Variants in ADAMTS16 observed in about 807,000 individuals in gnomAD.
ADAMTS16 encodes A disintegrin and metalloproteinase with thrombospondin motifs 16.
Under a neutral mutation model 145.8 loss-of-function variants are expected in ADAMTS16, and 94 were observed. The ratio of observed to expected loss-of-function variants is 0.64; its 90% CI spans 0.55 to 0.77. The LOEUF is 0.77. Among genes scored for constraint, ADAMTS16 ranks in the 30% least tolerant of loss-of-function variants. ADAMTS16 has a pLI of 0.00. For missense variants in ADAMTS16, 1,585 were observed against 1,591.5 expected, an observed-to-expected ratio of 1.00 and a Z score of 0.07; for synonymous variants, 659 against 604.3, an observed-to-expected ratio of 1.09 and a Z score of -1.33.
intron 3 of ADAMTS16, among the ~76,000 whole-genome samples, chr5:5,169,064 C>T (rs193093560): frequency 1.3e-4 from 20 of 152,124 alleles, no homozygotes; most frequent in Admixed American, 1.3e-3. Context: ...TGATTTCTCA[C>T]TTCCTGGCTT....
intron 3 of ADAMTS16, among the ~76,000 whole-genome samples, chr5:5,164,409 T>G (rs1160002253): frequency 6.6e-6 from 1 of 152,264 alleles, no homozygotes; most frequent in Non-Finnish European, 1.5e-5. Context: ...TTCCTGGCAC[T>G]GGCTGCAGTC....
intron 10 of ADAMTS16, among the ~76,000 whole-genome samples, chr5:5,221,333 G>C (rs547441533): frequency 1.3e-5 from 2 of 152,182 alleles, no homozygotes; most frequent in Middle Eastern, 3.4e-3. Context: ...ATTAAAGCCT[G>C]TCTGAAAGAG....
chr5:5,307,539 T>C (rs543926987), intron 21 of ADAMTS16, among the ~76,000 whole-genome samples: 1 of 152,262 alleles, frequency 6.6e-6, no homozygotes, highest in African/African-American at 2.4e-5. Context: ...AGCCCCTACA[T>C]GTGCTCTCTC....
chr5:5,305,149 CCACACA>C (rs201600213), intron 20 of ADAMTS16, among the ~76,000 whole-genome samples: 39 of 63,428 alleles, frequency 6.1e-4, no homozygotes, highest in East Asian at 1.9e-3. Flanking sequence ...ACATCCCACA[CCACACA>C]CACACACATA....
chr5:5,286,178 C>G (rs1307063452), intron 18 of ADAMTS16, among the ~76,000 whole-genome samples: 2 of 152,174 alleles, frequency 1.3e-5, no homozygotes, highest in African/African-American at 4.8e-5. Flanking sequence ...ACCCCCAACT[C>G]ATTGTAACAA....
At chr5:5,289,864 C>T (rs1440458378) in intron 18 of ADAMTS16, among the ~76,000 whole-genome samples, 1 of 152,146 alleles carries the variant, frequency 6.6e-6, no homozygotes, top group Non-Finnish European at 1.5e-5. Flanking sequence ...AACTTTTGGG[C>T]TAGATGAAAG....
chr5:5,205,548 T>C (rs931701243), intron 9 of ADAMTS16, among the ~76,000 whole-genome samples: 2 of 152,262 alleles, frequency 1.3e-5, no homozygotes, highest in African/African-American at 2.4e-5. Context: ...CCATTTTGCA[T>C]TCTCACTGGA....
intron 21 of ADAMTS16, among the ~76,000 whole-genome samples, chr5:5,307,952 A>G (rs1192551029): frequency 6.6e-6 from 1 of 152,228 alleles, no homozygotes; most frequent in Non-Finnish European, 1.5e-5. Flanking sequence ...GCAGCAGAAC[A>G]AAGACCCGGT....
chr5:5,192,579 A>C lies in ADAMTS16; in HGVS notation c.1313+789A>C, dbSNP rs563311623. Among the ~76,000 whole-genome samples the C allele has an allele frequency of 7.2e-5, 11 of 151,898 alleles. No individual in the cohort carries two copies. In the South Asian group the frequency reaches 2.1e-3, roughly 29 times the overall value. On this transcript the variant is annotated intron_variant, in intron 8 of 22. Coordinates refer to ENST00000274181, the MANE Select transcript of ADAMTS16 (RefSeq NM_139056.4). Reference sequence around the variant, plus strand: ...GGAACTGATTTGCCTCCCTTATTCCACCTCTGACTGCACCATTAATGGCTT... The same window carrying C: ...GGAACTGATTTGCCTCCCTTATTCCCCCTCTGACTGCACCATTAATGGCTT...
At chr5:5,198,574 C>A (rs1453813138) in intron 8 of ADAMTS16, among the ~76,000 whole-genome samples, 1 of 152,136 alleles carries the variant, frequency 6.6e-6, no homozygotes, top group African/African-American at 2.4e-5. Context: ...AGTCCTCGGT[C>A]TTGCTGTCTT....
chr5:5,152,714 C>T (rs1040739915), intron 3 of ADAMTS16, among the ~76,000 whole-genome samples: 3 of 152,214 alleles, frequency 2.0e-5, no homozygotes, highest in African/African-American at 7.2e-5. Context: ...TACCAAATTT[C>T]ACTGTTCTGT....
intron 18 of ADAMTS16, among the ~76,000 whole-genome samples, chr5:5,293,077 T>G: frequency 6.6e-6 from 1 of 152,310 alleles, no homozygotes; most frequent in South Asian, 2.1e-4. Context: ...GACACAGAGA[T>G]GGAGGGCACC....
At chr5:5,279,922 CTCTTTTTCTTTCTT>C (rs1560984946) in intron 18 of ADAMTS16, among the ~76,000 whole-genome samples, 1 of 45,684 alleles carries the variant, frequency 2.2e-5, no homozygotes, top group East Asian at 1.7e-3. Flanking sequence ...TTCTTTATTT[CTCTTTTTCTTTCTT>C]TCTTTCTTTT....
At position 5,209,077 on chromosome 5, in the gene ADAMTS16, C is replaced by T. The variant is rs1333999970; in HGVS notation, c.1452-16C>T. 1.2e-6 allele frequency: 2 copies of T among 1,609,542 alleles called. No individual in the cohort carries two copies. The highest frequency in any genetic ancestry group is 1.7e-6 in the Non-Finnish European group (2 of 1,177,746). ...CTACGGGCAGTTACTAGTAGCTCAT[C>T]TCCTCTTTGTTTCAGCACCGCTCAA... On this transcript the variant is annotated splice_polypyrimidine_tract_variant and intron_variant, in intron 9 of 22. Transcript: ENST00000274181.
chr5:5,228,770 C>T (rs1579325626), intron 11 of ADAMTS16, among the ~76,000 whole-genome samples: 1 of 152,190 alleles, frequency 6.6e-6, no homozygotes, highest in African/African-American at 2.4e-5. Context: ...TTATTCAAGA[C>T]CCGTGCTAGC....
intron 17 of ADAMTS16, among the ~76,000 whole-genome samples, chr5:5,259,498 C>G (rs1158091763): frequency 6.6e-6 from 1 of 152,174 alleles, no homozygotes; most frequent in Non-Finnish European, 1.5e-5. Flanking sequence ...AATACAGAAT[C>G]CCAGAAACAC....
chr5:5,168,622 AT>A (rs1205673714), intron 3 of ADAMTS16, among the ~76,000 whole-genome samples: 14,684 of 113,194 alleles, frequency 0.13, 928 homozygotes, highest in Middle Eastern at 0.18. Flanking sequence ...TTTATATATT[AT>A]ATTATATATA....
At chr5:5,220,394 G>C (rs13169786) in intron 10 of ADAMTS16, among the ~76,000 whole-genome samples, 5,593 of 150,894 alleles carry the variant, frequency 0.037, 338 homozygotes, top group African/African-American at 0.12. Flanking sequence ...TCCTGACCTC[G>C]TGATCCGCCC....
At position 5,267,523 on chromosome 5, in the gene ADAMTS16, C is replaced by T. The variant is rs750062385; in HGVS notation, c.2789+4740C>T. ...GCTGCTCCACAGCTGAGTTCTCCTC[C>T]GACCGTCCCAGACAAACTCTGGTTG... On this transcript the variant is annotated intron_variant, in intron 18 of 22. Transcript: ENST00000274181. Among the ~76,000 whole-genome samples, 52 of 152,208 alleles carry T rather than the reference C, an allele frequency of 3.4e-4. 1 individual carries two copies. The highest frequency in any genetic ancestry group is 3.4e-3 in the Middle Eastern group (1 of 294).
Sources: allele counts gnomAD v4.1 joint callset (sites outside exome capture counted in the v4.1 genomes callset), GRCh38; gene constraint gnomAD v4.1.1; transcripts MANE v1.5; gene names NCBI Gene and HGNC (gene_info 2026-07-23, HGNC 2026-07-21).